PPP1R42: variants seen among roughly 807,000 people sequenced by gnomAD.
The protein encoded by PPP1R42 is protein phosphatase 1 regulatory subunit 42, also known as leucine rich repeat containing 67.
A neutral mutation model predicts 31.0 loss-of-function variants in PPP1R42; 34 were observed. The observed-to-expected ratio is 1.10, with a 90% CI of 0.83 to 1.46. PPP1R42 has a LOEUF of 1.46. PPP1R42 is among the 40% of genes most tolerant of loss of function. PPP1R42 has a pLI of 0.00. For synonymous variants in PPP1R42, 103 were observed against 109.8 expected, an observed-to-expected ratio of 0.94 and a Z score of 0.39; for missense variants, 268 against 303.0, an observed-to-expected ratio of 0.88 and a Z score of 0.86.
intron 5 of PPP1R42, among the ~76,000 whole-genome samples, chr8:67,000,170 C>CA (rs2129536561): frequency 6.6e-6 from 1 of 151,736 alleles, no homozygotes; most frequent in Non-Finnish European, 1.5e-5. Context: ...ATTTAATTTA[C>CA]ATGTATTTTT....
At chr8:66,990,746 C>T (rs1034837808) in intron 5 of PPP1R42, among the ~76,000 whole-genome samples, 2 of 152,152 alleles carry the variant, frequency 1.3e-5, no homozygotes, top group Non-Finnish European at 2.9e-5. Context: ...CTGGACCAAC[C>T]GTCCTTACTA....
intron 6 of PPP1R42, chr8:66,986,213 T>A (rs1489900430): frequency 3.5e-6 from 2 of 566,270 alleles, no homozygotes; most frequent in Non-Finnish European, 6.7e-6. Flanking sequence ...TTGCTGGGAT[T>A]ACAGGCGTGA....
intron 1 of PPP1R42, 23 bp downstream of exon 1, chr8:67,028,468 C>G (rs1563438779): frequency 2.0e-6 from 2 of 985,236 alleles, no homozygotes; most frequent in Non-Finnish European, 2.4e-6. Flanking sequence ...GGTCCCCACG[C>G]TTATTCCCCG....
intron 5 of PPP1R42, among the ~76,000 whole-genome samples, chr8:66,999,691 T>G (rs1301250622): frequency 1.3e-5 from 2 of 152,232 alleles, no homozygotes; most frequent in Non-Finnish European, 2.9e-5. Flanking sequence ...AAGATTGGTA[T>G]CATTTCTTTC....
chr8:66,967,016 G>A lies in PPP1R42; in HGVS notation c.803-2682C>T, dbSNP rs551415712. 1.1e-4 allele frequency among the ~76,000 whole-genome samples: 16 copies of A among 152,116 alleles called. No individual in the cohort carries two copies. The East Asian group carries it at 1.9e-3, about 18-fold the overall frequency. The stretch of plus-strand genomic sequence containing the variant: ...TTTTGAGACAAGGTCTTGCTCTGTC[G>A]CTCAGTCTGGAGTGCAGTGGCACAA... On this transcript the variant is annotated intron_variant, in intron 7 of 7. Transcript: ENST00000685739.
intron 1 of PPP1R42, among the ~76,000 whole-genome samples, chr8:67,023,493 T>C (rs1177256137): frequency 6.6e-6 from 1 of 152,234 alleles, no homozygotes; most frequent in Non-Finnish European, 1.5e-5. Flanking sequence ...TATTTTCTGT[T>C]TGTAGCCACT....
At chr8:67,003,403 T>A (rs967490031) in intron 5 of PPP1R42, among the ~76,000 whole-genome samples, 8 of 148,270 alleles carry the variant, frequency 5.4e-5, no homozygotes, top group African/African-American at 2.0e-4. Flanking sequence ...TTTTTTTTTT[T>A]TTTTTTTCCA....
chr8:66,967,177 G>C (rs994939979), intron 7 of PPP1R42, among the ~76,000 whole-genome samples: 2 of 151,920 alleles, frequency 1.3e-5, no homozygotes, highest in Non-Finnish European at 2.9e-5. Flanking sequence ...TCATTGTGTT[G>C]CCTAGGCTGG....
At chr8:66,971,885 G>T (rs911460613) in intron 7 of PPP1R42, among the ~76,000 whole-genome samples, 1 of 151,962 alleles carries the variant, frequency 6.6e-6, no homozygotes, top group African/African-American at 2.4e-5. Flanking sequence ...AATTTACAAG[G>T]CTATCAAAAA....
At chr8:66,992,318 G>C (rs1815211040) in intron 5 of PPP1R42, among the ~76,000 whole-genome samples, 1 of 152,040 alleles carries the variant, frequency 6.6e-6, no homozygotes, top group South Asian at 2.1e-4. Flanking sequence ...CTTCCAATCT[G>C]TTCTTCATAT....
chr8:67,014,687 T>A (rs1223703046), intron 2 of PPP1R42, 95 bp from the exon 3 acceptor site: 1 of 778,706 alleles, frequency 1.3e-6, no homozygotes, highest in Non-Finnish European at 2.0e-6. Context: ...TTCTACAAAT[T>A]TCTCTAAGGT....
intron 5 of PPP1R42, among the ~76,000 whole-genome samples, chr8:66,997,272 G>A (rs932338487): frequency 6.6e-6 from 1 of 152,076 alleles, no homozygotes; most frequent in Non-Finnish European, 1.5e-5. Flanking sequence ...GTGAAATCAG[G>A]TAGGGTAAGT....
Position 67,002,720 on chromosome 8 carries a change from G to A in PPP1R42, c.552+7995C>T, listed in dbSNP as rs1000160291. 3.0e-5 allele frequency among the ~76,000 whole-genome samples: 4 copies of A among 132,838 alleles called. 1 individual carries two copies. Among genetic ancestry groups the A allele is most frequent in the Admixed American group, 7.5e-5 (1 of 13,264 alleles). 87.1% of individuals were successfully genotyped at this position (132,838 alleles called of 152,430 possible). ...GATAGGGGCTTGCTCTGTTGCCCCC[G>A]CTTTTTTTTTTTTTTCAGTGTTTTT... On this transcript the variant is annotated intron_variant, in intron 5 of 7. Transcript: ENST00000685739.
chr8:66,970,825 A>C (rs960141675), intron 7 of PPP1R42: 1 of 689,106 alleles, frequency 1.5e-6, no homozygotes, highest in Non-Finnish European at 2.6e-6. Flanking sequence ...ACCAACAATG[A>C]ACTTTTTTTT....
At position 66,988,087 on chromosome 8, in the gene PPP1R42, T is replaced by G. The variant is rs1283198183; in HGVS notation, c.670+313A>C. On this transcript the variant is annotated intron_variant, in intron 6 of 7. Transcript: ENST00000685739. Reference sequence around the variant, plus strand: ...GAGTCTCTTGGGATCATCAAAGGATTTGTGCTAACGAAAGTTTGGCAAAAG... The same window carrying G: ...GAGTCTCTTGGGATCATCAAAGGATGTGTGCTAACGAAAGTTTGGCAAAAG... The G allele has an allele frequency of 1.6e-5, 16 of 986,026 alleles. No individual in the cohort carries two copies. In the South Asian group the frequency reaches 5.1e-4, roughly 32 times the overall value. The allele number at this position is 986,026 out of a possible 1,614,324, so 61.1% of individuals were successfully genotyped here. A position where few individuals can be genotyped will look rare whatever the true frequency, so the allele number is the denominator to read the frequency against.
At chr8:67,000,615 G>A (rs1815455987) in intron 5 of PPP1R42, among the ~76,000 whole-genome samples, 2 of 152,026 alleles carry the variant, frequency 1.3e-5, no homozygotes, top group South Asian at 4.2e-4. Context: ...GCACCACCAT[G>A]CCTGGCTAAT....
intron 7 of PPP1R42, among the ~76,000 whole-genome samples, chr8:66,967,526 C>T (rs113016987): frequency 1.2e-4 from 19 of 152,306 alleles, no homozygotes; most frequent in African/African-American, 4.1e-4. Context: ...TTTAAAAATT[C>T]TTCCCTAAGC....
intron 6 of PPP1R42, among the ~76,000 whole-genome samples, chr8:66,982,816 C>T (rs1183392690): frequency 6.6e-6 from 1 of 152,004 alleles, no homozygotes; most frequent in African/African-American, 2.4e-5. Context: ...CACTCTGTCA[C>T]CCAGGCTGGA....
chr8:66,992,417 G>A (rs1815213324), intron 5 of PPP1R42, among the ~76,000 whole-genome samples: 1 of 151,494 alleles, frequency 6.6e-6, no homozygotes, highest in Admixed American at 6.6e-5. Context: ...ACTAATAGAA[G>A]CAACTACTAA....
Sources: gnomAD v4.1 joint callset for allele counts (sites outside exome capture counted in the v4.1 genomes callset) on GRCh38, gnomAD v4.1.1 for gene constraint, MANE v1.5 for transcripts, NCBI Gene and HGNC (gene_info 2026-07-23, HGNC 2026-07-21) for gene names.